Variants in NWD1 observed in about 807,000 individuals in gnomAD.
The protein encoded by NWD1 is NACHT and WD repeat domain containing 1.
A neutral mutation model predicts 135.1 loss-of-function variants in NWD1; 129 were observed. The observed-to-expected ratio is 0.96, with a 90% CI of 0.83 to 1.11. The LOEUF is 1.11. Ranked by LOEUF, NWD1 falls within the 50% of genes least tolerant of loss-of-function variation. The pLI is 0.00. For synonymous variants in NWD1, 773 were observed against 786.0 expected, an observed-to-expected ratio of 0.98 and a Z score of 0.28; for missense variants, 1,740 against 1,851.3, an observed-to-expected ratio of 0.94 and a Z score of 1.10.
chr19:16,746,427 C>A (rs905840501), intron 5 of NWD1, among the ~76,000 whole-genome samples: 2 of 152,122 alleles, frequency 1.3e-5, no homozygotes, highest in African/African-American at 4.8e-5. Context: ...GTAATCCCAG[C>A]ACTTTGGAAG....
chr19:16,741,984 G>A (rs1010223516), intron 4 of NWD1, among the ~76,000 whole-genome samples: 56 of 152,118 alleles, frequency 3.7e-4, no homozygotes, highest in African/African-American at 1.0e-3. Flanking sequence ...GGTGGTGGGC[G>A]CCTGTAGTCC....
chr19:16,800,885 A>G (rs572547827), intron 17 of NWD1, among the ~76,000 whole-genome samples: 3 of 152,304 alleles, frequency 2.0e-5, no homozygotes, highest in Admixed American at 2.0e-4. Context: ...CTATAATCAC[A>G]GCACTCTGGG....
chr19:16,776,384 A>G (rs1346539353), intron 11 of NWD1, among the ~76,000 whole-genome samples: 2 of 152,042 alleles, frequency 1.3e-5, no homozygotes, highest in Non-Finnish European at 2.9e-5. Context: ...CCTGGCCTAC[A>G]TGGTGAAACC....
chr19:16,779,501 C>T (rs1236823289), intron 12 of NWD1, 36 bp downstream of exon 12: 2 of 1,604,036 alleles, frequency 1.2e-6, no homozygotes, highest in South Asian at 2.2e-5. Flanking sequence ...GGTCAGCTTC[C>T]ATAGTGAAAA....
intron 12 of NWD1, among the ~76,000 whole-genome samples, chr19:16,782,194 C>T (rs1011130976): frequency 6.7e-5 from 10 of 149,372 alleles, no homozygotes; most frequent in African/African-American, 2.5e-4. Context: ...ACAGGACTCA[C>T]ACCTGTAATC....
chr19:16,735,244 C>T (rs1329764458), intron 3 of NWD1, among the ~76,000 whole-genome samples: 1 of 152,114 alleles, frequency 6.6e-6, no homozygotes, highest in Non-Finnish European at 1.5e-5. Context: ...TAGCTCGTGC[C>T]TGTAATCCTA....
At chr19:16,813,453 A>G (rs1432640614) in intron 18 of NWD1, among the ~76,000 whole-genome samples, 1 of 151,826 alleles carries the variant, frequency 6.6e-6, no homozygotes. Flanking sequence ...CGCCTTATAG[A>G]TGTTAGAAGC....
intron 17 of NWD1, among the ~76,000 whole-genome samples, chr19:16,800,531 A>C (rs1267700300): frequency 6.6e-6 from 1 of 152,126 alleles, no homozygotes; most frequent in African/African-American, 2.4e-5. Context: ...ACTCTGTCCC[A>C]GAAAAATAAA....
rs1279843556 is a variant in NWD1 at position 16,808,023 on chromosome 19, G to A, written c.4174G>A (p.Ala1392Thr). 2.5e-6 allele frequency: 4 copies of A among 1,614,112 alleles called. No homozygotes were observed. Among genetic ancestry groups the A allele is most frequent in the East Asian group, 2.2e-5 (1 of 44,878 alleles). Reference sequence around the variant, plus strand: ...CTTGGAGACCCACAGGAGCCGAGTTGCCTGTGTGGAGGTCAGCCACAAGGA... The same window carrying A: ...CTTGGAGACCCACAGGAGCCGAGTTACCTGTGTGGAGGTCAGCCACAAGGA... ...FPLETHRSRVACVEVSHKEQL... is the reference protein window; with the variant it reads ...FPLETHRSRVTCVEVSHKEQL... The change falls in exon 18 of 19, where the codon GCC becomes ACC. Residue 1392 changes from alanine (A) to threonine (T), a missense_variant. Physicochemically the swap from Ala to Thr is moderately conservative, Grantham distance 58 (BLOSUM62 0). Coordinates refer to ENST00000524140, the MANE Select transcript of NWD1 (RefSeq NM_001007525.5).
At chr19:16,765,345 T>A (rs1167253868) in intron 10 of NWD1, among the ~76,000 whole-genome samples, 153 bp downstream of exon 10, 1 of 152,106 alleles carries the variant, frequency 6.6e-6, no homozygotes, top group Non-Finnish European at 1.5e-5. Flanking sequence ...CTTCTAGAAT[T>A]TTTTTTGACA....
chr19:16,788,651 G>A (rs1358329760), intron 12 of NWD1, among the ~76,000 whole-genome samples: 4 of 152,006 alleles, frequency 2.6e-5, no homozygotes, highest in Non-Finnish European at 4.4e-5. Context: ...GGTGTGGCTG[G>A]ACAGGAAGTT....
In NWD1 at chr19:16,785,383, T is replaced by C. The variant is rs1005458185; in HGVS notation, c.2732-3599T>C. On this transcript the variant is annotated intron_variant, in intron 12 of 18. Coordinates refer to ENST00000524140, the MANE Select transcript of NWD1 (RefSeq NM_001007525.5). ...AAAATTAGTTGGGCATGGTGGCGCA[T>C]GTCTGTAATCCCAGCTACTCAGGAG... Among the ~76,000 whole-genome samples, 3 of 151,594 alleles carry C rather than the reference T, an allele frequency of 2.0e-5. 1 individual carries two copies. The highest frequency in any genetic ancestry group is 7.3e-5 in the African/African-American group (3 of 41,352).
At chr19:16,791,224 G>T in intron 13 of NWD1, 126 bp from the exon 14 acceptor site, 2 of 830,554 alleles carry the variant, frequency 2.4e-6, no homozygotes, top group South Asian at 1.7e-5. Flanking sequence ...AAAAAGAGAG[G>T]CTCTGTCTCC....
chr19:16,779,372 G>GCACCC lies in NWD1; in HGVS notation c.2638_2639insCACCC (p.Glu880AlafsTer7), dbSNP rs766806955. ...CACCGCCATGGCATGGGGTGTGGAG[G>GCACCC]AGAAGCTGCTGGTGATTGGCACCCA... On this transcript the variant is annotated frameshift_variant, in exon 12 of 19. Transcript: ENST00000524140. LOFTEE classifies it high-confidence loss of function. The GCACCC allele has an allele frequency of 1.9e-6, 3 of 1,613,884 alleles. No individual in the cohort carries two copies. The highest frequency in any genetic ancestry group is 2.5e-6 in the Non-Finnish European group (3 of 1,180,012).
intron 6 of NWD1, among the ~76,000 whole-genome samples, chr19:16,757,613 C>T (rs1195670364): frequency 1.3e-5 from 2 of 152,120 alleles, no homozygotes; most frequent in African/African-American, 2.4e-5. Context: ...TCAGGCTAGG[C>T]GGGTCCTCTG....
In NWD1 at chr19:16,745,081, G is replaced by C. The variant is rs148288566; in HGVS notation, c.496+363G>C. 3,775 of 475,040 alleles carry C rather than the reference G, an allele frequency of 7.9e-3. 28 individuals carry two copies. Among genetic ancestry groups the C allele is most frequent in the South Asian group, 0.014 (870 of 64,234 alleles). The allele number at this position is 475,040 out of a possible 1,614,324, so 29.4% of individuals were successfully genotyped here. On this transcript the variant is annotated intron_variant, in intron 5 of 18. Coordinates refer to ENST00000524140, the MANE Select transcript of NWD1 (RefSeq NM_001007525.5). ...AATGGACTCACAATTCCACATGGCT[G>C]GGGAGGCCTCACAATCATGGCTGAA...
chr19:16,771,441 C>T (rs936368865), intron 10 of NWD1, among the ~76,000 whole-genome samples: 5 of 152,130 alleles, frequency 3.3e-5, no homozygotes, highest in African/African-American at 1.2e-4. Flanking sequence ...CAGAGCAAGA[C>T]TCTGTCTCAA....
chr19:16,730,799 T>G (rs141659198), intron 2 of NWD1, among the ~76,000 whole-genome samples: 1 of 150,966 alleles, frequency 6.6e-6, no homozygotes, highest in Non-Finnish European at 1.5e-5. Flanking sequence ...GAGGCTGAGG[T>G]GGGAAGATGG....
chr19:16,751,287 T>C (rs1056850788), intron 6 of NWD1, among the ~76,000 whole-genome samples: 12 of 150,398 alleles, frequency 8.0e-5, no homozygotes, highest in Non-Finnish European at 1.8e-4. Context: ...TGCTCAGAGA[T>C]GCCAGCCAGG....
Sources: gnomAD v4.1 joint callset for allele counts (sites outside exome capture counted in the v4.1 genomes callset) on GRCh38, gnomAD v4.1.1 for gene constraint, MANE v1.5 for transcripts, NCBI Gene and HGNC (gene_info 2026-07-23, HGNC 2026-07-21) for gene names.